The following SEC24D variants were observed in gnomAD, a reference collection of about 807,000 sequenced individuals.
SEC24D encodes SEC24 homolog D, COPII component.
A neutral mutation model predicts 116.9 loss-of-function variants in SEC24D; 69 were observed. That is an observed-to-expected ratio of 0.59 (90% CI 0.49 to 0.72). The LOEUF (loss-of-function observed/expected upper bound fraction) is 0.72, where lower values mean the gene tolerates loss of function less well. Among genes scored for constraint, SEC24D ranks in the 30% least tolerant of loss-of-function variants. SEC24D has a pLI of 0.00. For missense variants in SEC24D, 1,131 were observed against 1,264.1 expected, an observed-to-expected ratio of 0.89 and a Z score of 1.60; for synonymous variants, 405 against 442.8, an observed-to-expected ratio of 0.91 and a Z score of 1.07.
intron 10 of SEC24D, among the ~76,000 whole-genome samples, chr4:118,758,070 G>A (rs1276304803): frequency 2.0e-5 from 3 of 152,162 alleles, no homozygotes; most frequent in Non-Finnish European, 4.4e-5. Context: ...ACCTGGGTTA[G>A]TATTGAATTA....
chr4:118,786,199 A>T (rs1427432063), intron 8 of SEC24D, among the ~76,000 whole-genome samples: 1 of 152,216 alleles, frequency 6.6e-6, no homozygotes, highest in East Asian at 1.9e-4. Flanking sequence ...TGACAAAAAA[A>T]ATCACTTCAG....
chr4:118,827,385 A>C (rs1730632169), intron 2 of SEC24D, among the ~76,000 whole-genome samples: 1 of 152,190 alleles, frequency 6.6e-6, no homozygotes, highest in African/African-American at 2.4e-5. Context: ...CAATATGAGA[A>C]TTTTAATAGG....
chr4:118,766,609 A>G (rs1378025741), intron 9 of SEC24D: 1 of 152,188 alleles, frequency 6.6e-6, no homozygotes, highest in Non-Finnish European at 1.5e-5. Flanking sequence ...GGGCCTTTTA[A>G]GGCCCTGAGC....
intron 2 of SEC24D, among the ~76,000 whole-genome samples, chr4:118,832,956 C>G (rs1324948778): frequency 6.6e-6 from 1 of 152,162 alleles, no homozygotes; most frequent in Non-Finnish European, 1.5e-5. Context: ...AATCATAAGA[C>G]TGACTTTCCA....
intron 8 of SEC24D, among the ~76,000 whole-genome samples, chr4:118,791,649 C>A (rs1208448984): frequency 6.6e-6 from 1 of 152,250 alleles, no homozygotes. Flanking sequence ...CTCAGCCTGC[C>A]GAGTGCCTGG....
chr4:118,744,507 T>G (rs1024722902), intron 14 of SEC24D, among the ~76,000 whole-genome samples: 1 of 152,256 alleles, frequency 6.6e-6, no homozygotes, highest in African/African-American at 2.4e-5. Context: ...CCTATATCCA[T>G]AGCCTTATCC....
chr4:118,829,540 C>T (rs1560769919), intron 2 of SEC24D, among the ~76,000 whole-genome samples: 1 of 152,062 alleles, frequency 6.6e-6, no homozygotes, highest in Non-Finnish European at 1.5e-5. Flanking sequence ...GGGCCAGGCG[C>T]GGTGGCTCAT....
intron 7 of SEC24D, among the ~76,000 whole-genome samples, chr4:118,799,946 T>A (rs180841603): frequency 7.0e-4 from 107 of 152,188 alleles, no homozygotes; most frequent in African/African-American, 2.3e-3. Flanking sequence ...AGGTTTTTTT[T>A]AAAAAAAGAT....
At chr4:118,829,792 A>G (rs1325628836) in intron 2 of SEC24D, among the ~76,000 whole-genome samples, 1 of 152,142 alleles carries the variant, frequency 6.6e-6, no homozygotes, top group Non-Finnish European at 1.5e-5. Context: ...AGCCTGGGTA[A>G]TAAGAGCGAA....
At chr4:118,811,046 T>A (rs1157496521) in intron 6 of SEC24D, among the ~76,000 whole-genome samples, 3 of 152,180 alleles carry the variant, frequency 2.0e-5, no homozygotes, top group African/African-American at 7.2e-5. Flanking sequence ...ACCATTAGAT[T>A]TGGTAACAGG....
chr4:118,803,786 T>C (rs1427791691), intron 7 of SEC24D, among the ~76,000 whole-genome samples: 1 of 152,142 alleles, frequency 6.6e-6, no homozygotes, highest in African/African-American at 2.4e-5. Context: ...AGTTTTCCAC[T>C]CTGTAATATG....
At chr4:118,768,627 G>A (rs1727756493) in intron 8 of SEC24D, among the ~76,000 whole-genome samples, 1 of 152,082 alleles carries the variant, frequency 6.6e-6, no homozygotes, top group Non-Finnish European at 1.5e-5. Context: ...ACTCCTGACT[G>A]CAGGTGATCC....
chr4:118,795,254 G>A (rs148268757), intron 8 of SEC24D, among the ~76,000 whole-genome samples: 54 of 144,892 alleles, frequency 3.7e-4, no homozygotes, highest in African/African-American at 1.3e-3. Context: ...CCAATCTTGT[G>A]AGCCAAGATT....
chr4:118,805,904 G>A lies in SEC24D; in HGVS notation c.852C>T (p.Ala284=). The A allele has an allele frequency of 1.3e-6, 2 of 1,596,724 alleles. No individual in the cohort carries two copies. The highest frequency in any genetic ancestry group is 1.7e-6 in the Non-Finnish European group (2 of 1,172,658). The change falls in exon 7 of 23, where the codon GCC becomes GCT. Residue 284 remains alanine, a synonymous_variant. Transcript: ENST00000280551. The part of the protein sequence containing the change: ...DRASRGGQVY[A]TNTRGQIPPL... ...GAGGGATCTGGCCTCTGGTGTTGGT[G>A]GCATAAACTTGTCCTCCTCTGCTGG...
chr4:118,764,991 TATTA>T, intron 9 of SEC24D, 74 bp from the exon 10 acceptor site: 1 of 842,724 alleles, frequency 1.2e-6, no homozygotes. Context: ...TCTCAAAATT[TATTA>T]TGAGAGGAAA....
chr4:118,785,743 C>A (rs1728641209), intron 8 of SEC24D, among the ~76,000 whole-genome samples: 1 of 152,126 alleles, frequency 6.6e-6, no homozygotes, highest in South Asian at 2.1e-4. Context: ...GTCTCTTTCC[C>A]ATCTACATAT....
chr4:118,808,220 A>G (rs1194365898), intron 6 of SEC24D, among the ~76,000 whole-genome samples: 1 of 152,182 alleles, frequency 6.6e-6, no homozygotes, highest in East Asian at 1.9e-4. Context: ...CTTAGCCACC[A>G]AAAGTGCTGG....
chr4:118,816,847 T>C (rs1160632037), intron 4 of SEC24D: 2 of 455,286 alleles, frequency 4.4e-6, no homozygotes, highest in African/African-American at 4.0e-5. Flanking sequence ...ACTCTTTCCA[T>C]GATCTAAACA....
intron 9 of SEC24D, among the ~76,000 whole-genome samples, chr4:118,767,785 G>A (rs1286999358): frequency 1.3e-5 from 2 of 152,020 alleles, no homozygotes; most frequent in Non-Finnish European, 2.9e-5. Flanking sequence ...AAGTATCAAT[G>A]AGCTGATTTT....
Sources: allele counts gnomAD v4.1 joint callset (sites outside exome capture counted in the v4.1 genomes callset), GRCh38; gene constraint gnomAD v4.1.1; transcripts MANE v1.5; gene names NCBI Gene and HGNC (gene_info 2026-07-23, HGNC 2026-07-21).